The following IQGAP2 variants were observed in gnomAD, a reference collection of about 807,000 sequenced individuals.
IQGAP2 encodes the protein IQ motif containing GTPase activating protein 2.
Under a neutral mutation model 201.3 loss-of-function variants are expected in IQGAP2, and 173 were observed. The ratio of observed to expected loss-of-function variants is 0.86; its 90% CI spans 0.76 to 0.98. The LOEUF is 0.98. IQGAP2 is among the 50% of genes least tolerant of loss of function. The pLI is 0.00. For missense variants in IQGAP2, 1,687 were observed against 1,864.8 expected, an observed-to-expected ratio of 0.90 and a Z score of 1.76; for synonymous variants, 675 against 673.9, an observed-to-expected ratio of 1.00 and a Z score of -0.03.
chr5:76,557,182 A>G (rs1281695838), intron 2 of IQGAP2, among the ~76,000 whole-genome samples: 1 of 152,192 alleles, frequency 6.6e-6, no homozygotes, highest in Non-Finnish European at 1.5e-5. Context: ...GTGAGAAATT[A>G]AAAGTTGGAA....
At chr5:76,465,569 G>C (rs924440940) in intron 2 of IQGAP2, among the ~76,000 whole-genome samples, 2 of 152,180 alleles carry the variant, frequency 1.3e-5, no homozygotes, top group African/African-American at 4.8e-5. Context: ...ATCCAGGTTA[G>C]AAAGGAAGAC....
intron 9 of IQGAP2, among the ~76,000 whole-genome samples, chr5:76,593,742 A>G (rs922227275): frequency 2.0e-5 from 3 of 152,258 alleles, no homozygotes; most frequent in African/African-American, 7.2e-5. Flanking sequence ...TTAATAAAGC[A>G]TGTGAACTCC....
intron 30 of IQGAP2, among the ~76,000 whole-genome samples, chr5:76,692,923 T>G (rs1040118876): frequency 6.6e-6 from 1 of 152,144 alleles, no homozygotes; most frequent in Non-Finnish European, 1.5e-5. Context: ...GCTTATGAGG[T>G]ATTAAGCCAG....
At position 76,565,224 on chromosome 5, in the gene IQGAP2, G is replaced by A. The variant is rs182475308; in HGVS notation, c.303+2672G>A. Among the ~76,000 whole-genome samples the A allele has an allele frequency of 1.6e-3, 239 of 152,300 alleles. 1 individual carries two copies. The highest frequency in any genetic ancestry group is 5.5e-3 in the African/African-American group (229 of 41,570). ...GACTAAGGCAAAGATGTTGAAGCAC[G>A]AGGGAACGCTCAATAACCCAGCCCC... On this transcript the variant is annotated intron_variant, in intron 3 of 35. Transcript: ENST00000274364.
intron 2 of IQGAP2, among the ~76,000 whole-genome samples, chr5:76,493,055 C>T (rs1480652357): frequency 6.6e-6 from 1 of 152,166 alleles, no homozygotes; most frequent in Non-Finnish European, 1.5e-5. Flanking sequence ...GCTCTAGTCA[C>T]TTAACCGGAC....
intron 23 of IQGAP2, among the ~76,000 whole-genome samples, chr5:76,670,508 C>T (rs985117770): frequency 1.1e-4 from 17 of 151,798 alleles, no homozygotes; most frequent in African/African-American, 3.4e-4. Flanking sequence ...AGCCAGACTC[C>T]GTCTCAAAAA....
chr5:76,500,611 A>C (rs1398422447), intron 2 of IQGAP2, among the ~76,000 whole-genome samples: 1 of 152,166 alleles, frequency 6.6e-6, no homozygotes, highest in African/African-American at 2.4e-5. Context: ...GAGCTAGCAC[A>C]TTGCTAGTCT....
chr5:76,647,427 A>G (rs1384433511), intron 17 of IQGAP2, among the ~76,000 whole-genome samples: 1 of 151,994 alleles, frequency 6.6e-6, no homozygotes, highest in African/African-American at 2.4e-5. Context: ...GAACTTCCAT[A>G]ATTCTTGCAT....
intron 34 of IQGAP2, 113 bp downstream of exon 34, chr5:76,701,326 A>G: frequency 1.0e-6 from 1 of 968,522 alleles, no homozygotes; most frequent in Admixed American, 2.1e-5. Context: ...GATGGGTGAC[A>G]AGGGAAGAAT....
chr5:76,523,271 G>A (rs374435654), intron 2 of IQGAP2, among the ~76,000 whole-genome samples: 1 of 151,514 alleles, frequency 6.6e-6, no homozygotes, highest in South Asian at 2.1e-4. Flanking sequence ...AAAAAATTTT[G>A]TAAGGGGGAG....
chr5:76,469,288 AAGAG>A (rs1304206856), intron 2 of IQGAP2, among the ~76,000 whole-genome samples: 1 of 152,216 alleles, frequency 6.6e-6, no homozygotes, highest in Admixed American at 6.5e-5. Context: ...TGAATGAATG[AAGAG>A]AGAAAGAGGA....
intron 22 of IQGAP2, among the ~76,000 whole-genome samples, chr5:76,667,814 C>T (rs1165715890): frequency 6.6e-6 from 1 of 151,032 alleles, no homozygotes; most frequent in Non-Finnish European, 1.5e-5. Flanking sequence ...AGATAGTATG[C>T]ATTTCTACTC....
intron 30 of IQGAP2, among the ~76,000 whole-genome samples, chr5:76,693,154 C>T (rs1746424258): frequency 6.6e-6 from 1 of 152,128 alleles, no homozygotes; most frequent in African/African-American, 2.4e-5. Flanking sequence ...CACAGAAAGC[C>T]CAGACTTTGA....
intron 2 of IQGAP2, among the ~76,000 whole-genome samples, chr5:76,561,230 T>C (rs115418253): frequency 0.011 from 1,630 of 152,276 alleles, 43 homozygotes; most frequent in African/African-American, 0.038. Flanking sequence ...AGTGAAACCT[T>C]GGATAAGGGG....
intron 1 of IQGAP2, among the ~76,000 whole-genome samples, chr5:76,450,926 T>G (rs1237787349): frequency 6.6e-6 from 1 of 151,968 alleles, no homozygotes; most frequent in Non-Finnish European, 1.5e-5. Flanking sequence ...CTTTTTTAAA[T>G]TGCCCTGAAT....
At chr5:76,471,379 A>C (rs931689154) in intron 2 of IQGAP2, among the ~76,000 whole-genome samples, 41 of 151,708 alleles carry the variant, frequency 2.7e-4, no homozygotes, top group African/African-American at 9.2e-4. Flanking sequence ...AAAAAAAAAA[A>C]AAAAAAACAC....
chr5:76,689,135 C>T (rs1489657519), intron 30 of IQGAP2, among the ~76,000 whole-genome samples: 1 of 144,378 alleles, frequency 6.9e-6, no homozygotes, highest in Non-Finnish European at 1.5e-5. Flanking sequence ...TAGGAAGAAA[C>T]ATTTATTTCT....
intron 11 of IQGAP2, among the ~76,000 whole-genome samples, chr5:76,602,182 G>C (rs1747472550): frequency 6.6e-6 from 1 of 152,154 alleles, no homozygotes; most frequent in African/African-American, 2.4e-5. Context: ...TTTTGCTTCT[G>C]TAGTAACCCC....
chr5:76,469,418 C>A (rs779466557), intron 2 of IQGAP2, among the ~76,000 whole-genome samples: 1 of 149,132 alleles, frequency 6.7e-6, no homozygotes, highest in Non-Finnish European at 1.5e-5. Flanking sequence ...TTTTTTGAGA[C>A]GTAGTGTCAC....
Sources: gnomAD v4.1 joint callset for allele counts (sites outside exome capture counted in the v4.1 genomes callset) on GRCh38, gnomAD v4.1.1 for gene constraint, MANE v1.5 for transcripts, NCBI Gene and HGNC (gene_info 2026-07-23, HGNC 2026-07-21) for gene names.